The following TUSC3 variants were observed in gnomAD, a reference collection of about 807,000 sequenced individuals.
TUSC3 encodes dolichyl-diphosphooligosaccharide--protein glycosyltransferase subunit TUSC3.
TUSC3 carries 45 observed loss-of-function variants against 44.8 expected under a neutral mutation model. That is an observed-to-expected ratio of 1.00 (90% CI 0.79 to 1.29). The LOEUF is 1.29. Among genes scored for constraint, TUSC3 ranks in the 50% most tolerant of loss-of-function variants. The probability of loss-of-function intolerance (pLI) is 0.00; values close to 1 mark genes in which losing one functional copy is unlikely to be tolerated. For synonymous variants in TUSC3, 212 were observed against 152.9 expected (o/e 1.39, Z -2.85); for missense variants, 519 against 437.9 (o/e 1.19, Z -1.65).
At chr8:15,805,801 T>C in the TUSC3 span, among the ~76,000 whole-genome samples, 1 of 152,146 alleles carries the variant, frequency 6.6e-6, no homozygotes, top group African/African-American at 2.4e-5. Flanking sequence ...GTGAGGTTTT[T>C]GTTTCAGGGT....
At chr8:15,446,687 G>T (rs1323541651) in intron 1 of TUSC3, among the ~76,000 whole-genome samples, 1 of 145,814 alleles carries the variant, frequency 6.9e-6, no homozygotes, top group East Asian at 2.1e-4. Context: ...GTCTAGTCCA[G>T]CCTCGGCTCG....
intron 1 of TUSC3, among the ~76,000 whole-genome samples, chr8:15,479,446 G>A (rs1800628889): frequency 6.6e-6 from 1 of 152,094 alleles, no homozygotes; most frequent in African/African-American, 2.4e-5. Flanking sequence ...AATCCATCTT[G>A]AGTTAATTTT....
chr8:15,684,847 A>G, intron 6 of TUSC3, among the ~76,000 whole-genome samples: 1 of 152,104 alleles, frequency 6.6e-6, no homozygotes, highest in East Asian at 1.9e-4. Context: ...AGGAGAGCAG[A>G]CTGCTCCTAG....
At chr8:15,593,756 C>G (rs1364944376) in intron 1 of TUSC3, among the ~76,000 whole-genome samples, 1 of 152,020 alleles carries the variant, frequency 6.6e-6, no homozygotes, top group African/African-American at 2.4e-5. Context: ...TTTCTACATC[C>G]AAGATCCTTT....
At chr8:15,536,666 A>G (rs180698831), upstream of TUSC3, among the ~76,000 whole-genome samples, 698 of 131,096 alleles carry the variant, frequency 5.3e-3, 6 homozygotes, top group Non-Finnish European at 4.1e-3. Flanking sequence ...TGGGTGACAG[A>G]GCAAGATTCC....
At chr8:15,619,495 A>AC (rs138029370) in intron 1 of TUSC3, among the ~76,000 whole-genome samples, 29,698 of 146,822 alleles carry the variant, frequency 0.2, 2,922 homozygotes, top group South Asian at 0.27. Flanking sequence ...TATTCCATAT[A>AC]TTTTTTTTTT....
At chr8:15,566,141 C>T (rs1802662239) in intron 1 of TUSC3, among the ~76,000 whole-genome samples, 1 of 152,114 alleles carries the variant, frequency 6.6e-6, no homozygotes, top group South Asian at 2.1e-4. Context: ...CTTCTCTAGA[C>T]AACGTTATCA....
chr8:15,748,646 G>A (rs747603266), intron 9 of TUSC3, 181 bp downstream of exon 9: 3 of 740,620 alleles, frequency 4.1e-6, no homozygotes, highest in African/African-American at 3.4e-5. Context: ...GGAGATATAA[G>A]GCATGGTTCT....
At chr8:15,689,825 T>G (rs1357211687) in intron 6 of TUSC3, among the ~76,000 whole-genome samples, 1 of 40,690 alleles carries the variant, frequency 2.5e-5, no homozygotes, top group Non-Finnish European at 4.1e-5. Context: ...GTCCATGGTG[T>G]GTGTGTGTGT....
At chr8:15,506,403 C>T (rs1228681922) in intron 2 of TUSC3, among the ~76,000 whole-genome samples, 2 of 152,180 alleles carry the variant, frequency 1.3e-5, no homozygotes, top group African/African-American at 2.4e-5. Flanking sequence ...TGTGTAAAAA[C>T]GGACCTTCTA....
chr8:15,716,278 T>G (rs1810056177), intron 6 of TUSC3, among the ~76,000 whole-genome samples: 1 of 152,022 alleles, frequency 6.6e-6, no homozygotes, highest in African/African-American at 2.4e-5. Context: ...ACAAAAATTC[T>G]AATTGAAGTT....
At chr8:15,720,802 A>T (rs1023202767) in intron 6 of TUSC3, among the ~76,000 whole-genome samples, 1 of 152,134 alleles carries the variant, frequency 6.6e-6, no homozygotes, top group African/African-American at 2.4e-5. Flanking sequence ...GATTTTGCTT[A>T]TATTGCGATT....
the TUSC3 span, among the ~76,000 whole-genome samples, chr8:15,775,845 T>G: frequency 6.6e-6 from 1 of 151,134 alleles, no homozygotes; most frequent in South Asian, 2.1e-4. Flanking sequence ...AATGGATTCT[T>G]TTTCCTGTTG....
the TUSC3 span, among the ~76,000 whole-genome samples, chr8:15,788,073 T>C: frequency 2.6e-5 from 4 of 152,186 alleles, no homozygotes; most frequent in African/African-American, 9.6e-5. Context: ...TCTGTAGTCC[T>C]TCCTTTCATG....
chr8:15,654,029 C>T (rs78753667), intron 3 of TUSC3, among the ~76,000 whole-genome samples: 3,122 of 152,172 alleles, frequency 0.021, 104 homozygotes, highest in African/African-American at 0.071. Context: ...AGAAGGAGCT[C>T]TCATCCAGGA....
chr8:15,477,898 A>G (rs1800602197), intron 1 of TUSC3, among the ~76,000 whole-genome samples: 1 of 152,086 alleles, frequency 6.6e-6, no homozygotes, highest in Non-Finnish European at 1.5e-5. Flanking sequence ...TAGGCTCCAT[A>G]ACACTACACA....
intron 6 of TUSC3, among the ~76,000 whole-genome samples, chr8:15,696,165 G>T (rs967746051): frequency 1.3e-5 from 2 of 152,168 alleles, no homozygotes; most frequent in African/African-American, 4.8e-5. Context: ...AGGCCTAGGA[G>T]GCAAAAATAG....
chr8:15,761,281 G>C (rs1160906309), intron 10 of TUSC3, among the ~76,000 whole-genome samples: 1 of 152,186 alleles, frequency 6.6e-6, no homozygotes, highest in East Asian at 1.9e-4. Context: ...GTGCTGAGGA[G>C]AGAGCCAGCC....
chr8:15,655,862 C>T (rs1483597293), intron 3 of TUSC3, among the ~76,000 whole-genome samples: 1 of 152,118 alleles, frequency 6.6e-6, no homozygotes, highest in Non-Finnish European at 1.5e-5. Flanking sequence ...CTTCCCCAAA[C>T]CACCTTATTT....
Sources: gnomAD v4.1 joint callset for allele counts (sites outside exome capture counted in the v4.1 genomes callset) on GRCh38, gnomAD v4.1.1 for gene constraint, MANE v1.5 for transcripts, NCBI Gene and HGNC (gene_info 2026-07-23, HGNC 2026-07-21) for gene names.